OPCML: variants seen among roughly 807,000 people sequenced by gnomAD.
OPCML encodes opioid-binding protein/cell adhesion molecule.
A neutral mutation model predicts 37.8 loss-of-function variants in OPCML; 13 were observed. That is an observed-to-expected ratio of 0.34 (90% CI 0.22 to 0.55). The LOEUF is 0.55. Among genes scored for constraint, OPCML ranks in the 20% least tolerant of loss-of-function variants. The pLI is 0.91. For missense variants in OPCML, 341 were observed against 435.6 expected, an observed-to-expected ratio of 0.78 and a Z score of 1.93; for synonymous variants, 176 against 168.8, an observed-to-expected ratio of 1.04 and a Z score of -0.33.
intron 1 of OPCML, among the ~76,000 whole-genome samples, chr11:133,352,354 C>G (rs950651747): frequency 6.6e-6 from 1 of 152,164 alleles, no homozygotes; most frequent in African/African-American, 2.4e-5. Flanking sequence ...CCTTTTGTAC[C>G]TGACCTCTTC....
chr11:133,454,078 G>A (rs1946629344), intron 1 of OPCML, among the ~76,000 whole-genome samples: 2 of 152,278 alleles, frequency 1.3e-5, no homozygotes, highest in Non-Finnish European at 2.9e-5. Context: ...CTGATAGTCG[G>A]CGATTCTCCT....
intron 3 of OPCML, among the ~76,000 whole-genome samples, chr11:132,558,547 G>T: frequency 9.5e-6 from 1 of 105,118 alleles, no homozygotes; most frequent in African/African-American, 3.8e-5. Flanking sequence ...CTTCGTCTTT[G>T]TCTTCTTGTG....
rs1322992972 is a variant in OPCML at position 132,892,671 on chromosome 11, G to A, written c.146+50255C>T. Among the ~76,000 whole-genome samples, 3 of 152,194 alleles carry A rather than the reference G, an allele frequency of 2.0e-5. No homozygotes were observed. The East Asian group carries it at 5.8e-4, about 29-fold the overall frequency. On this transcript the variant is annotated intron_variant, in intron 2 of 7. Transcript: ENST00000524381. ...AATCCCAGCTACTCGGGAGGCTGAG[G>A]CAAGAGAATTGCTTGAACCTGGGAG... is the stretch of plus-strand genomic sequence containing the variant.
intron 4 of OPCML, among the ~76,000 whole-genome samples, chr11:132,470,843 G>C (rs372388860): frequency 6.6e-6 from 1 of 152,096 alleles, no homozygotes; most frequent in African/African-American, 2.4e-5. Flanking sequence ...GCATCATATC[G>C]CTGATGTGTA....
At chr11:132,432,733 A>G (rs1259081155) in intron 7 of OPCML, among the ~76,000 whole-genome samples, 1 of 152,196 alleles carries the variant, frequency 6.6e-6, no homozygotes, top group African/African-American at 2.4e-5. Context: ...TATAGCCCCT[A>G]TGTTCCTGGA....
In OPCML at chr11:132,520,674, A is replaced by ATATATATGTGTGTGTGTG. The variant is rs10630619; in HGVS notation, c.505+8386_505+8387insCACACACACACATATATA. On this transcript the variant is annotated intron_variant, in intron 4 of 7. Coordinates refer to ENST00000524381, the MANE Select transcript of OPCML (RefSeq NM_001012393.5). ...TGTCATCTTATGTAACTAAATATAT[A>ATATATATGTGTGTGTGTG]TGTGTGTGTGTGTGTGTGTGTGTGT... is the stretch of plus-strand genomic sequence containing the variant. Among the ~76,000 whole-genome samples the ATATATATGTGTGTGTGTG allele has an allele frequency of 3.5e-3, 443 of 128,068 alleles. 5 individuals are homozygous for ATATATATGTGTGTGTGTG. The highest frequency in any genetic ancestry group is 0.031 in the South Asian group (117 of 3,756). The allele number at this position is 128,068 out of a possible 152,430, so 84.0% of individuals were successfully genotyped here. A position where few individuals can be genotyped will look rare whatever the true frequency, so the allele number is the denominator to read the frequency against.
chr11:132,737,302 C>A (rs948174596), intron 2 of OPCML, among the ~76,000 whole-genome samples: 1 of 152,110 alleles, frequency 6.6e-6, no homozygotes, highest in African/African-American at 2.4e-5. Flanking sequence ...AGTTTTTTGT[C>A]CCGTAGTACT....
At chr11:132,700,688 T>A (rs1943771119) in intron 2 of OPCML, among the ~76,000 whole-genome samples, 1 of 152,166 alleles carries the variant, frequency 6.6e-6, no homozygotes, top group Non-Finnish European at 1.5e-5. Flanking sequence ...TTAAGACTTA[T>A]TTTGTGGTTG....
intron 1 of OPCML, chr11:133,007,969 T>C: frequency 1.0e-6 from 1 of 985,434 alleles, no homozygotes; most frequent in African/African-American, 1.7e-5. Context: ...GAGAATTCCA[T>C]GAGGACAGGC....
At chr11:133,201,318 T>TA (rs57512570) in intron 1 of OPCML, among the ~76,000 whole-genome samples, 1 of 151,670 alleles carries the variant, frequency 6.6e-6, no homozygotes, top group Non-Finnish European at 1.5e-5. Flanking sequence ...TTTTTTTTTT[T>TA]ACCATTGAAT....
rs1229448194 is a variant in OPCML, at chr11:133,458,236, GTA to G, written c.61+74026_61+74027del. ...TATATACACATATATACACGTGTGTGTATATATACACATATATATACACGTGT... is the reference window on the plus strand; with the variant it reads ...TATATACACATATATACACGTGTGTGTATATACACATATATATACACGTGT... On this transcript the variant is annotated intron_variant, in intron 1 of 7. Coordinates refer to ENST00000524381, the MANE Select transcript of OPCML (RefSeq NM_001012393.5). 3.8e-5 allele frequency among the ~76,000 whole-genome samples: 4 copies of G among 106,526 alleles called. 1 individual carries two copies. The highest frequency in any genetic ancestry group is 2.4e-4 in the East Asian group (1 of 4,112). The allele number at this position is 106,526 out of a possible 152,430, so 69.9% of individuals were successfully genotyped here.
At chr11:133,063,122 A>T (rs923172992) in intron 1 of OPCML, among the ~76,000 whole-genome samples, 1 of 152,204 alleles carries the variant, frequency 6.6e-6, no homozygotes, top group African/African-American at 2.4e-5. Context: ...CAGCCTTCGC[A>T]GTGTAAGTTT....
At chr11:132,466,261 G>A (rs1449913546) in intron 4 of OPCML, among the ~76,000 whole-genome samples, 3 of 151,484 alleles carry the variant, frequency 2.0e-5, no homozygotes, top group Non-Finnish European at 4.4e-5. Context: ...CGAGGCGGGC[G>A]GATCACGAGG....
At chr11:132,751,970 T>C (rs1034948241) in intron 2 of OPCML, among the ~76,000 whole-genome samples, 2 of 152,150 alleles carry the variant, frequency 1.3e-5, no homozygotes, top group Non-Finnish European at 2.9e-5. Flanking sequence ...GTGGGCAGAT[T>C]GGGAATTAGA....
chr11:133,095,277 GTTTTTTTTTTT>G (rs60154725), intron 1 of OPCML, among the ~76,000 whole-genome samples: 227 of 44,252 alleles, frequency 5.1e-3, no homozygotes, highest in African/African-American at 0.019. Context: ...TAATGTAAAT[GTTTTTTTTTTT>G]TTTTTTTTTT....
At chr11:133,491,066 T>C (rs1376620931) in intron 1 of OPCML, among the ~76,000 whole-genome samples, 1 of 152,070 alleles carries the variant, frequency 6.6e-6, no homozygotes, top group Non-Finnish European at 1.5e-5. Flanking sequence ...AATGAATGAG[T>C]GAGTGAATGA....
intron 1 of OPCML, among the ~76,000 whole-genome samples, chr11:133,473,511 G>A (rs1348935878): frequency 6.6e-6 from 1 of 152,122 alleles, no homozygotes; most frequent in Non-Finnish European, 1.5e-5. Flanking sequence ...ATAGGGGTTG[G>A]TTAGTGAACA....
chr11:133,389,853 A>G (rs1455946030), intron 1 of OPCML, among the ~76,000 whole-genome samples: 2 of 152,214 alleles, frequency 1.3e-5, no homozygotes, highest in African/African-American at 4.8e-5. Flanking sequence ...AATAACTACT[A>G]CTAATTGACA....
chr11:132,792,672 G>C (rs569150293), intron 2 of OPCML, among the ~76,000 whole-genome samples: 6 of 152,304 alleles, frequency 3.9e-5, no homozygotes, highest in Non-Finnish European at 5.9e-5. Flanking sequence ...CGGAGAGGGG[G>C]TGGCGGAGGG....
Sources: gnomAD v4.1 joint callset for allele counts (sites outside exome capture counted in the v4.1 genomes callset) on GRCh38, gnomAD v4.1.1 for gene constraint, MANE v1.5 for transcripts, NCBI Gene and HGNC (gene_info 2026-07-23, HGNC 2026-07-21) for gene names.